Variants in NEK10 observed in about 807,000 individuals in gnomAD.
NEK10 encodes serine/threonine-protein kinase Nek10.
Under a neutral mutation model 159.8 loss-of-function variants are expected in NEK10, and 122 were observed. The ratio of observed to expected loss-of-function variants is 0.76; its 90% CI spans 0.66 to 0.89. NEK10 has a LOEUF of 0.89. NEK10 is among the 40% of genes least tolerant of loss of function. The pLI is 0.00. For synonymous variants in NEK10, 466 were observed against 457.1 expected (o/e 1.02, Z -0.25); for missense variants, 1,342 against 1,323.1 (o/e 1.01, Z -0.22).
intron 30 of NEK10, among the ~76,000 whole-genome samples, chr3:27,161,493 A>C (rs937440159): frequency 6.6e-6 from 1 of 152,220 alleles, no homozygotes; most frequent in Non-Finnish European, 1.5e-5. Context: ...CTGAAGTGAA[A>C]ATAGCATTAA....
At chr3:27,135,989 C>A (rs1413437424) in intron 31 of NEK10, among the ~76,000 whole-genome samples, 2 of 151,292 alleles carry the variant, frequency 1.3e-5, no homozygotes, top group Non-Finnish European at 2.9e-5. Flanking sequence ...CATTGGAGGA[C>A]AACACATTGC....
intron 30 of NEK10, among the ~76,000 whole-genome samples, chr3:27,160,897 C>T (rs1945958982): frequency 6.6e-6 from 1 of 152,070 alleles, no homozygotes; most frequent in Admixed American, 6.6e-5. Flanking sequence ...CACAGGGAGA[C>T]TCTGTCTCAA....
intron 5 of NEK10, among the ~76,000 whole-genome samples, chr3:27,339,986 G>C (rs2047088016): frequency 6.6e-6 from 1 of 152,154 alleles, no homozygotes; most frequent in South Asian, 2.1e-4. Context: ...TATAACATTT[G>C]AACCAGCAAT....
chr3:27,224,651 C>T (rs1338524791), intron 23 of NEK10, among the ~76,000 whole-genome samples: 1 of 152,134 alleles, frequency 6.6e-6, no homozygotes, highest in African/African-American at 2.4e-5. Flanking sequence ...TCCTTCCTTC[C>T]CTTCTTTGTT....
intron 30 of NEK10, among the ~76,000 whole-genome samples, chr3:27,144,055 T>A (rs1575487870): frequency 6.6e-6 from 1 of 152,354 alleles, no homozygotes; most frequent in Non-Finnish European, 1.5e-5. Flanking sequence ...ATGGAAAATC[T>A]ATAGCAGTCT....
chr3:27,287,341 T>C (rs997748221), intron 20 of NEK10, among the ~76,000 whole-genome samples: 1 of 152,162 alleles, frequency 6.6e-6, no homozygotes, highest in Non-Finnish European at 1.5e-5. Flanking sequence ...GGATGGAAAA[T>C]GACACCTGAG....
chr3:27,121,454 G>A (rs1941293236), intron 32 of NEK10, among the ~76,000 whole-genome samples: 1 of 152,170 alleles, frequency 6.6e-6, no homozygotes, highest in South Asian at 2.1e-4. Flanking sequence ...GACCTGGTGA[G>A]AGGTAATTGA....
chr3:27,159,855 C>T (rs1272234028), intron 30 of NEK10, among the ~76,000 whole-genome samples: 1 of 151,436 alleles, frequency 6.6e-6, no homozygotes, highest in Non-Finnish European at 1.5e-5. Flanking sequence ...ACAATATAGG[C>T]ACTTGGCACT....
chr3:27,363,251 C>A (rs1308130558), intron 1 of NEK10, among the ~76,000 whole-genome samples: 1 of 152,174 alleles, frequency 6.6e-6, no homozygotes, highest in African/African-American at 2.4e-5. Context: ...GGGTCACAAC[C>A]CTGCCAAGCA....
rs1383052432 is a variant in NEK10 at position 27,142,236 on chromosome 3, C to T, written c.2870-654G>A. ...TCAGTGTCAAATTACATATTAGTTG[C>T]TTTCCCAGCGTCCTCTGCCATAGCC... On this transcript the variant is annotated intron_variant, in intron 30 of 35. Coordinates refer to ENST00000691995, the MANE Select transcript of NEK10 (RefSeq NM_001394966.1). Among the ~76,000 whole-genome samples the T allele has an allele frequency of 2.0e-5, 3 of 152,134 alleles. No individual in the cohort carries two copies. In the East Asian group the frequency reaches 5.8e-4, roughly 29 times the overall value.
rs369476612 is a variant in NEK10, at chr3:27,368,856, G to A, written c.-38+369C>T. 1.2e-4 allele frequency among the ~76,000 whole-genome samples: 19 copies of A among 152,280 alleles called. No homozygotes were observed. The South Asian group carries it at 3.7e-3, about 30-fold the overall frequency. ...CAAAGCAGCATCCTGTAAGGAGAAG[G>A]CAGAAAAGCGACGCTCATAGAGATG... On this transcript the variant is annotated intron_variant, in intron 1 of 35. Transcript: ENST00000691995.
intron 23 of NEK10, among the ~76,000 whole-genome samples, chr3:27,250,007 ATACTT>A (rs1337233578): frequency 6.6e-6 from 1 of 152,118 alleles, no homozygotes; most frequent in Admixed American, 6.6e-5. Flanking sequence ...TAAAAACTGT[ATACTT>A]TAATTTTGTC....
chr3:27,353,576 A>G (rs528815395), intron 1 of NEK10, among the ~76,000 whole-genome samples: 8 of 152,176 alleles, frequency 5.3e-5, no homozygotes, highest in Non-Finnish European at 8.8e-5. Context: ...TTTTCCCAAT[A>G]TATTTGTCAT....
intron 29 of NEK10, among the ~76,000 whole-genome samples, chr3:27,167,278 C>A (rs559025727): frequency 3.9e-5 from 6 of 152,296 alleles, no homozygotes; most frequent in African/African-American, 1.4e-4. Context: ...CAGTCACAGT[C>A]ATTCATCTAT....
At chr3:27,122,367 G>C (rs556487419) in intron 32 of NEK10, among the ~76,000 whole-genome samples, 2 of 152,082 alleles carry the variant, frequency 1.3e-5, no homozygotes, top group African/African-American at 2.4e-5. Flanking sequence ...ACCAAGTCTC[G>C]GGCATTTCTT....
chr3:27,339,820 G>A (rs1264925782), intron 5 of NEK10, among the ~76,000 whole-genome samples: 13 of 149,564 alleles, frequency 8.7e-5, no homozygotes, highest in African/African-American at 2.7e-4. Context: ...AGCATCTCAC[G>A]CCAGTTAGAA....
intron 23 of NEK10, among the ~76,000 whole-genome samples, chr3:27,212,886 A>T (rs1951140367): frequency 6.6e-6 from 1 of 152,192 alleles, no homozygotes; most frequent in Admixed American, 6.5e-5. Flanking sequence ...AGGAGAATAG[A>T]GTGTGGAGGC....
rs192561223 is a variant in NEK10, at chr3:27,111,745, A to T, written c.3300-425T>A. ...ATTAAAAATAAAATATTAATGTAAT[A>T]CATAAGTATATTCATAAAGATTATA... is the stretch of plus-strand genomic sequence containing the variant. On this transcript the variant is annotated intron_variant, in intron 35 of 35. Coordinates refer to ENST00000691995, the MANE Select transcript of NEK10 (RefSeq NM_001394966.1). 3.3e-3 allele frequency among the ~76,000 whole-genome samples: 503 copies of T among 152,332 alleles called. 2 individuals are homozygous for T. Among genetic ancestry groups the T allele is most frequent in the Non-Finnish European group, 5.4e-3 (365 of 68,028 alleles).
chr3:27,162,428 T>G, intron 30 of NEK10: 7 of 1,606,302 alleles, frequency 4.4e-6, no homozygotes, highest in Non-Finnish European at 6.0e-6. Context: ...GCCCATTGTG[T>G]GCTTAACATC....
Sources: allele counts gnomAD v4.1 joint callset (sites outside exome capture counted in the v4.1 genomes callset), GRCh38; gene constraint gnomAD v4.1.1; transcripts MANE v1.5; gene names NCBI Gene and HGNC (gene_info 2026-07-23, HGNC 2026-07-21).